DLG2: variants seen among roughly 807,000 people sequenced by gnomAD.
DLG2 encodes the protein disks large homolog 2.
DLG2 carries 45 observed loss-of-function variants against 132.5 expected under a neutral mutation model. The observed-to-expected ratio is 0.34, with a 90% confidence interval of 0.27 to 0.44. DLG2 has a LOEUF of 0.44. DLG2 is among the 20% of genes least tolerant of loss of function. The pLI is 1.00. For missense variants in DLG2, 1,045 were observed against 1,196.9 expected (o/e 0.87, Z 1.87); for synonymous variants, 424 against 419.6 (o/e 1.01, Z -0.13).
chr11:84,913,762 CAT>C (rs1192178085), intron 6 of DLG2, among the ~76,000 whole-genome samples: 6 of 152,098 alleles, frequency 3.9e-5, no homozygotes, highest in East Asian at 1.9e-4. Context: ...CTATAATAAA[CAT>C]GTATTACTTT....
chr11:84,976,768 A>T (rs763325333), intron 6 of DLG2, among the ~76,000 whole-genome samples: 9 of 152,158 alleles, frequency 5.9e-5, no homozygotes, highest in Non-Finnish European at 8.8e-5. Context: ...TGCCTCAAAG[A>T]CTTAAAACAC....
chr11:84,256,025 A>C (rs1247814311), intron 7 of DLG2, among the ~76,000 whole-genome samples: 1 of 152,130 alleles, frequency 6.6e-6, no homozygotes, highest in Non-Finnish European at 1.5e-5. Flanking sequence ...TGATAGATCA[A>C]GTTATTAATG....
intron 7 of DLG2, among the ~76,000 whole-genome samples, chr11:84,531,649 T>C (rs939522063): frequency 2.0e-5 from 3 of 152,146 alleles, no homozygotes; most frequent in Admixed American, 2.0e-4. Context: ...TCACAATACC[T>C]TGGGGCCATA....
chr11:85,312,149 T>C (rs920233577), intron 3 of DLG2, among the ~76,000 whole-genome samples: 1 of 152,026 alleles, frequency 6.6e-6, no homozygotes, highest in Non-Finnish European at 1.5e-5. Context: ...CTGTATTGTC[T>C]CTATTAATTA....
At chr11:83,689,122 T>C (rs1290473954) in intron 18 of DLG2, among the ~76,000 whole-genome samples, 1 of 152,108 alleles carries the variant, frequency 6.6e-6, no homozygotes. Flanking sequence ...AGGACTTTCA[T>C]TAAGGTGCTA....
At chr11:84,252,813 C>T (rs754423805) in intron 7 of DLG2, among the ~76,000 whole-genome samples, 1 of 152,156 alleles carries the variant, frequency 6.6e-6, no homozygotes, top group African/African-American at 2.4e-5. Flanking sequence ...AAAGGACATA[C>T]TTTCATCTTG....
intron 6 of DLG2, among the ~76,000 whole-genome samples, chr11:84,840,081 A>T (rs181116058): frequency 1.7e-3 from 263 of 152,298 alleles, no homozygotes; most frequent in African/African-American, 6.0e-3. Flanking sequence ...AATTTTTGCA[A>T]TCTACCCATC....
At chr11:85,012,707 C>T (rs1256377241) in intron 6 of DLG2, among the ~76,000 whole-genome samples, 5 of 151,748 alleles carry the variant, frequency 3.3e-5, no homozygotes, top group Non-Finnish European at 7.4e-5. Context: ...TATTAAAATA[C>T]CATAGAAAGA....
intron 2 of DLG2, among the ~76,000 whole-genome samples, chr11:85,613,247 G>A (rs920668141): frequency 3.3e-5 from 5 of 152,074 alleles, no homozygotes; most frequent in Admixed American, 6.6e-5. Flanking sequence ...TCAAGCTACC[G>A]ATGGTCTTAC....
At chr11:84,859,453 T>C (rs1419418901) in intron 6 of DLG2, among the ~76,000 whole-genome samples, 1 of 146,338 alleles carries the variant, frequency 6.8e-6, no homozygotes, top group South Asian at 2.1e-4. Context: ...TACATACATA[T>C]ATACATATAT....
intron 6 of DLG2, among the ~76,000 whole-genome samples, chr11:84,563,021 T>C (rs1330414189): frequency 1.3e-5 from 2 of 152,174 alleles, no homozygotes; most frequent in Non-Finnish European, 2.9e-5. Flanking sequence ...CAAAATGCTG[T>C]GATTACCAAC....
intron 3 of DLG2, among the ~76,000 whole-genome samples, chr11:85,319,999 G>A (rs2080945400): frequency 6.6e-6 from 1 of 151,768 alleles, no homozygotes; most frequent in Non-Finnish European, 1.5e-5. Flanking sequence ...ATCAGGTAAA[G>A]CCCATAACTG....
At chr11:85,029,592 G>C (rs1360967642) in intron 6 of DLG2, among the ~76,000 whole-genome samples, 2 of 152,188 alleles carry the variant, frequency 1.3e-5, no homozygotes, top group Non-Finnish European at 2.9e-5. Context: ...TCCAATGTGT[G>C]GGGAACAGTG....
chr11:84,383,326 G>A (rs916519309), intron 7 of DLG2, among the ~76,000 whole-genome samples: 2 of 151,476 alleles, frequency 1.3e-5, no homozygotes, highest in Non-Finnish European at 2.9e-5. Flanking sequence ...CTAAGATGAC[G>A]CCTAATATTT....
At chr11:85,122,965 ATATATTTTTTTT>A (rs1330007598) in intron 5 of DLG2, among the ~76,000 whole-genome samples, 1 of 61,798 alleles carries the variant, frequency 1.6e-5, no homozygotes, top group African/African-American at 6.6e-5. Context: ...ATATATATAT[ATATATTTTTTTT>A]TTTTTTTTTT....
Position 85,598,769 on chromosome 11 carries a change from T to C in DLG2, c.-73A>G, listed in dbSNP as rs990355795. The C allele has an allele frequency of 2.1e-4, 264 of 1,250,030 alleles. 1 individual carries two copies. In the East Asian group the frequency reaches 6.8e-3, roughly 32 times the overall value. 77.4% of individuals were successfully genotyped at this position (1,250,030 alleles called of 1,614,324 possible). On this transcript the variant is annotated 5_prime_UTR_variant, in exon 3 of 28. Transcript: ENST00000376104. ...ATTTTTTGCAGTATTCTTCCAGTAA[T>C]GATAAAGCTCGGTCAGTATCTGAAA...
intron 18 of DLG2, among the ~76,000 whole-genome samples, chr11:83,780,301 C>A (rs80287303): frequency 6.6e-6 from 1 of 152,042 alleles, no homozygotes; most frequent in East Asian, 1.9e-4. Flanking sequence ...TATCTTTGAC[C>A]CCATAGAGAA....
At chr11:84,815,388 G>C (rs1345926573) in intron 6 of DLG2, among the ~76,000 whole-genome samples, 1 of 152,032 alleles carries the variant, frequency 6.6e-6, no homozygotes, top group Non-Finnish European at 1.5e-5. Context: ...GGCAGAAGGT[G>C]TCAGTAATAT....
chr11:85,031,327 A>G (rs1263184764), intron 6 of DLG2, among the ~76,000 whole-genome samples: 1 of 152,046 alleles, frequency 6.6e-6, no homozygotes, highest in African/African-American at 2.4e-5. Flanking sequence ...TTTTAGGTAT[A>G]TTTATTTCTA....
Sources: gnomAD v4.1 joint callset for allele counts (sites outside exome capture counted in the v4.1 genomes callset) on GRCh38, gnomAD v4.1.1 for gene constraint, MANE v1.5 for transcripts, NCBI Gene and HGNC (gene_info 2026-07-23, HGNC 2026-07-21) for gene names.